The following ZNF322 variants were observed in gnomAD, a reference collection of about 807,000 sequenced individuals.
ZNF322 encodes the protein HLA complex group 12.
ZNF322 carries 1 observed loss-of-function variant against 18.3 expected under a neutral mutation model. The ratio of observed to expected loss-of-function variants is 0.05; its 90% CI spans 0.02 to 0.26. The LOEUF is 0.26. ZNF322 is among the 10% of genes least tolerant of loss of function. The pLI is 1.00. For missense variants in ZNF322, 36 were observed against 403.6 expected (o/e 0.09, Z 7.80); for synonymous variants, 17 against 130.7 (o/e 0.13, Z 5.93).
chr6:26,640,607 A>G (rs1315780081), intron 3 of ZNF322, among the ~76,000 whole-genome samples: 1 of 152,140 alleles, frequency 6.6e-6, no homozygotes, highest in Non-Finnish European at 1.5e-5. Flanking sequence ...GACTCACAAA[A>G]ACAACACTCC....
At chr6:26,658,995 T>C (rs1554149930) in intron 1 of ZNF322, 1 of 152,222 alleles carries the variant, frequency 6.6e-6, no homozygotes, top group African/African-American at 2.4e-5. Flanking sequence ...GACCCATTCG[T>C]CTACCACTAC....
At chr6:26,649,189 A>G (rs530305078) in intron 2 of ZNF322, among the ~76,000 whole-genome samples, 1 of 152,362 alleles carries the variant, frequency 6.6e-6, no homozygotes, top group East Asian at 1.9e-4. Flanking sequence ...GAAAAGACAG[A>G]CTATGAAGGG....
At chr6:26,649,157 AC>A (rs1233006229) in intron 2 of ZNF322, among the ~76,000 whole-genome samples, 23 of 152,256 alleles carry the variant, frequency 1.5e-4, no homozygotes, top group African/African-American at 5.3e-4. Context: ...GAAAAGACCA[AC>A]AAGGACAGCC....
chr6:26,647,550 T>C (rs1765578454), intron 2 of ZNF322, among the ~76,000 whole-genome samples: 1 of 151,502 alleles, frequency 6.6e-6, no homozygotes, highest in Non-Finnish European at 1.5e-5. Context: ...TAAATAAATA[T>C]GATTAACTAT....
rs1023454820 is a variant in ZNF322 at position 26,645,608 on chromosome 6, T to C, written c.-245-1880A>G. ...GGCAGGTGAGAATTAAAGTACACTA[T>C]TAAACTAAAAAACCATCTGAAGCTG... On this transcript the variant is annotated intron_variant, in intron 2 of 3. Coordinates refer to ENST00000415922, the MANE Select transcript of ZNF322 (RefSeq NM_024639.5). Among the ~76,000 whole-genome samples, 5 of 152,174 alleles carry C rather than the reference T, an allele frequency of 3.3e-5. No individual in the cohort carries two copies. In the South Asian group the frequency reaches 8.3e-4, roughly 25 times the overall value.
At chr6:26,641,707 G>A (rs951594676) in intron 3 of ZNF322, among the ~76,000 whole-genome samples, 7 of 152,204 alleles carry the variant, frequency 4.6e-5, no homozygotes. Flanking sequence ...TGGTAAAAAT[G>A]TGTTTGCAAG....
chr6:26,646,712 C>T (rs1216626820), intron 2 of ZNF322, among the ~76,000 whole-genome samples: 1 of 152,106 alleles, frequency 6.6e-6, no homozygotes, highest in African/African-American at 2.4e-5. Flanking sequence ...GATAAGTACA[C>T]ATTCTTTTTA....
intron 2 of ZNF322, among the ~76,000 whole-genome samples, chr6:26,654,751 A>G (rs1765734272): frequency 6.6e-6 from 1 of 152,182 alleles, no homozygotes; most frequent in Non-Finnish European, 1.5e-5. Context: ...TCAAAAGAAG[A>G]GTACTGTGCA....
rs1473886737 is a variant in ZNF322, at chr6:26,634,456, A to G, written c.*2889T>C. 1 of 151,058 alleles carries G rather than the reference A, an allele frequency of 6.6e-6. No homozygotes were observed. The highest frequency in any genetic ancestry group is 1.5e-5 in the Non-Finnish European group (1 of 67,800). 9.4% of individuals were successfully genotyped at this position (151,058 alleles called of 1,614,324 possible). On this transcript the variant is annotated 3_prime_UTR_variant, in exon 4 of 4. Coordinates refer to ENST00000415922, the MANE Select transcript of ZNF322 (RefSeq NM_024639.5). ...AACATTAAAGCATAGGAATACATCA[A>G]CTGAATACAAGTTGTCTTGTTTGGT...
rs1203763308 is a variant in ZNF322, at chr6:26,659,450, C to T, written c.-344G>A. 5 of 167,660 alleles carry T rather than the reference C, an allele frequency of 3.0e-5. No individual in the cohort carries two copies. The highest frequency in any genetic ancestry group is 7.3e-5 in the Non-Finnish European group (5 of 68,878). 10.4% of individuals were successfully genotyped at this position (167,660 alleles called of 1,614,324 possible). On this transcript the variant is annotated 5_prime_UTR_variant, in exon 1 of 4. Transcript: ENST00000415922. Reference sequence around the variant, plus strand: ...CGCAGGCCGCGCTTACCCTGGCAGCCGCCGGCGCCGCCCCTAGGCCTGGGG... The same window carrying T: ...CGCAGGCCGCGCTTACCCTGGCAGCTGCCGGCGCCGCCCCTAGGCCTGGGG...
At chr6:26,645,778 T>A (rs1214327887) in intron 2 of ZNF322, among the ~76,000 whole-genome samples, 2 of 152,114 alleles carry the variant, frequency 1.3e-5, no homozygotes, top group Non-Finnish European at 2.9e-5. Context: ...ACGCCTGTAA[T>A]CCCCGCACTT....
intron 2 of ZNF322, among the ~76,000 whole-genome samples, chr6:26,648,421 C>G (rs1018417957): frequency 3.3e-5 from 5 of 152,168 alleles, no homozygotes; most frequent in African/African-American, 1.2e-4. Flanking sequence ...CAATACTTCT[C>G]TTTTCAATCA....
intron 3 of ZNF322, among the ~76,000 whole-genome samples, chr6:26,640,083 T>C (rs1388621208): frequency 2.6e-5 from 4 of 152,174 alleles, no homozygotes; most frequent in Admixed American, 6.5e-5. Flanking sequence ...ATTATTTCTC[T>C]TCTCAAAAAC....
At chr6:26,643,000 A>G (rs1765492004) in intron 3 of ZNF322, among the ~76,000 whole-genome samples, 1 of 151,408 alleles carries the variant, frequency 6.6e-6, no homozygotes, top group Admixed American at 6.6e-5. Flanking sequence ...AGTCCAAACC[A>G]CTCTTATTTC....
intron 2 of ZNF322, among the ~76,000 whole-genome samples, chr6:26,649,689 A>T (rs1184465835): frequency 8.0e-5 from 6 of 75,232 alleles, no homozygotes; most frequent in East Asian, 3.1e-4. Flanking sequence ...ATATATATAT[A>T]TATATATATA....
Position 26,634,648 on chromosome 6 carries a change from C to T in ZNF322, c.*2697G>A, listed in dbSNP as rs1452990756. ...TTATGCTATATGAATAATACCAACA[C>T]CTTTTTCTCCCATGGTTAAAAGCCT... On this transcript the variant is annotated 3_prime_UTR_variant, in exon 4 of 4. Transcript: ENST00000415922. 1.1e-5 allele frequency: 1 copy of T among 91,104 alleles called. No homozygotes were observed. Among genetic ancestry groups the T allele is most frequent in the African/African-American group, 4.4e-5 (1 of 22,530 alleles). 5.6% of individuals were successfully genotyped at this position (91,104 alleles called of 1,614,324 possible).
At chr6:26,642,025 C>T (rs1305224117) in intron 3 of ZNF322, among the ~76,000 whole-genome samples, 1 of 152,036 alleles carries the variant, frequency 6.6e-6, no homozygotes, top group African/African-American at 2.4e-5. Flanking sequence ...GGTGTAAAAC[C>T]CGATTGTACA....
At chr6:26,659,204 A>C (rs1765837182) in intron 1 of ZNF322, among the ~76,000 whole-genome samples, 1 of 152,226 alleles carries the variant, frequency 6.6e-6, no homozygotes, top group Non-Finnish European at 1.5e-5. Flanking sequence ...TATATATGAA[A>C]GATTATATTG....
At position 26,638,300 on chromosome 6, in the gene ZNF322, T is replaced by C; in HGVS notation, c.254A>G (p.Asp85Gly). The stretch of plus-strand genomic sequence containing the variant: ...GTGGATCCTCTGGTGTGAAGTAAGA[T>C]CTGAGCTTTGGACAAAGGTTTTCTC... Reference protein sequence around the residue: ...MCEKTFVQSSDLTSHQRIHNY... With the variant: ...MCEKTFVQSSGLTSHQRIHNY... The change falls in exon 4 of 4, where the codon GAT (aspartate) becomes GGT (glycine). Residue 85 changes from aspartate (D) to glycine (G), a missense_variant. Physicochemically the swap from Asp to Gly is moderately conservative, Grantham distance 94 (BLOSUM62 -1). Transcript: ENST00000415922. 1 of 1,612,608 alleles carries C rather than the reference T, an allele frequency of 6.2e-7. No homozygotes were observed. The highest frequency in any genetic ancestry group is 1.1e-5 in the South Asian group (1 of 91,062).
Sources: gnomAD v4.1 joint callset for allele counts (sites outside exome capture counted in the v4.1 genomes callset) on GRCh38, gnomAD v4.1.1 for gene constraint, MANE v1.5 for transcripts, NCBI Gene and HGNC (gene_info 2026-07-23, HGNC 2026-07-21) for gene names.